The following MYO15A variants were observed in gnomAD, a reference collection of about 807,000 sequenced individuals.
MYO15A encodes the protein myosin XVA, also known as unconventional myosin-XV.
Under a neutral mutation model 394.6 loss-of-function variants are expected in MYO15A, and 308 were observed. That is an observed-to-expected ratio of 0.78 (90% CI 0.71 to 0.86). MYO15A has a LOEUF of 0.86. Ranked by LOEUF, MYO15A falls within the 40% of genes least tolerant of loss-of-function variation. The pLI is 0.00. For synonymous variants in MYO15A, 1,957 were observed against 2,003.8 expected, an observed-to-expected ratio of 0.98 and a Z score of 0.62; for missense variants, 4,606 against 4,799.1, an observed-to-expected ratio of 0.96 and a Z score of 1.19.
intron 62 of MYO15A, among the ~76,000 whole-genome samples, chr17:18,168,102 T>G (rs571864717): frequency 3.9e-5 from 6 of 152,370 alleles, no homozygotes; most frequent in Non-Finnish European, 5.9e-5. Context: ...GTAACCTCAA[T>G]ATCCAGCAAC....
At chr17:18,168,228 G>T (rs147448171) in intron 62 of MYO15A, among the ~76,000 whole-genome samples, 136 of 152,186 alleles carry the variant, frequency 8.9e-4, no homozygotes, top group African/African-American at 3.1e-3. Context: ...TAGAGACGGG[G>T]TCTTGCTATG....
intron 65 of MYO15A, among the ~76,000 whole-genome samples, chr17:18,174,571 A>G (rs1232003962): frequency 2.6e-5 from 4 of 152,158 alleles, no homozygotes; most frequent in African/African-American, 9.7e-5. Context: ...GATGGTGCCA[A>G]TGCACTCCAG....
chr17:18,163,370 A>C, intron 59 of MYO15A, 49 bp downstream of exon 59: 1 of 1,581,470 alleles, frequency 6.3e-7, no homozygotes, highest in Non-Finnish European at 8.7e-7. Flanking sequence ...GGGCAGGGAC[A>C]AGGACAGCCC....
In MYO15A at chr17:18,150,912, A is replaced by G. The variant is rs775431462; in HGVS notation, c.7472A>G (p.Glu2491Gly). Residue 2491 changes from glutamate (E) to glycine (G), a missense_variant and splice_region_variant, in exon 38 of 66, where the codon GAG (glutamate) becomes GGG (glycine). Glu to Gly is a moderately conservative substitution (Grantham distance 98). Coordinates refer to ENST00000647165, the MANE Select transcript of MYO15A (RefSeq NM_016239.4). This position sits in a 1 kb window ranked among gnomAD's most constrained non-coding sequence, Gnocchi z 4.4. ...GCTGCCCTGAGATCCTTGCCCGCAGAGGTGAGCCTGGCCTGCCCAGGGTGC... is the reference window on the plus strand; with the variant it reads ...GCTGCCCTGAGATCCTTGCCCGCAGGGGTGAGCCTGGCCTGCCCAGGGTGC... ...LSAALRSLPA[E>G]KPPAPEAQPT... 1.4e-5 allele frequency: 23 copies of G among 1,603,248 alleles called. No individual in the cohort carries two copies. The African/African-American group carries it at 2.9e-4, about 21-fold the overall frequency.
At chr17:18,158,670 T>C (rs1235030172) in intron 52 of MYO15A, 32 bp downstream of exon 52, 1 of 1,604,050 alleles carries the variant, frequency 6.2e-7, no homozygotes, top group Non-Finnish European at 8.5e-7. Context: ...CTTCCCACAG[T>C]GGGAGGGTGC....
chr17:18,158,341 TA>T, intron 51 of MYO15A, 181 bp from the exon 52 acceptor site: 1 of 559,950 alleles, frequency 1.8e-6, no homozygotes, highest in Non-Finnish European at 3.0e-6. Context: ...GCACAGCAAG[TA>T]AAAGGCGTGG....
chr17:18,145,851 G>A (rs766951120), intron 29 of MYO15A, 21 bp from the exon 30 acceptor site: 24 of 1,611,486 alleles, frequency 1.5e-5, no homozygotes, highest in Non-Finnish European at 2.0e-5. Flanking sequence ...AGATGCCCAG[G>A]AGACTCTGTT....
intron 1 of MYO15A, among the ~76,000 whole-genome samples, chr17:18,111,446 C>T (rs1056301964): frequency 6.6e-6 from 1 of 151,936 alleles, no homozygotes; most frequent in African/African-American, 2.4e-5. Context: ...CTGCGAACCC[C>T]AAGTGCCCTG....
Position 18,166,502 on chromosome 17 carries a change from T to A in MYO15A, c.9929T>A (p.Val3310Glu). 6.2e-7 allele frequency: 1 copy of A among 1,613,682 alleles called. No individual in the cohort carries two copies. Among genetic ancestry groups the A allele is most frequent in the East Asian group, 2.2e-5 (1 of 44,886 alleles). The change falls in exon 61 of 66, where the codon GTG becomes GAG. Residue 3310 changes from valine (V) to glutamate (E), a missense_variant. Coordinates refer to ENST00000647165, the MANE Select transcript of MYO15A (RefSeq NM_016239.4). ...QPLKFENELY[V>E]TMHYNQVLPD... ...CTCAAGTTCGAGAATGAGCTATATG[T>A]GACCATGCACTACAACCAGGTCAGC...
At chr17:18,146,436 C>T (rs1023885341) in intron 30 of MYO15A, among the ~76,000 whole-genome samples, 12 of 152,138 alleles carry the variant, frequency 7.9e-5, no homozygotes, top group Admixed American at 3.3e-4. Context: ...AGCATGGATA[C>T]GGGACTCAGA....
chr17:18,133,501 G>A (rs1387596283), intron 12 of MYO15A, 115 bp downstream of exon 12: 4 of 1,372,676 alleles, frequency 2.9e-6, no homozygotes, highest in Non-Finnish European at 3.9e-6. Flanking sequence ...ACTTGTTCCT[G>A]TTTTTTTCTT....
In MYO15A at chr17:18,131,705, G is replaced by A. The variant is rs854787; in HGVS notation, c.4206+174G>A. 0.47 allele frequency among the ~76,000 whole-genome samples: 71,326 copies of A among 151,708 alleles called. 17,980 individuals carry two copies. The highest frequency in any genetic ancestry group is 0.57 in the Non-Finnish European group (38,975 of 67,908). ...CCCTCCCCGACCCTCCTCCAGCCAC[G>A]GTGGCTCCTCCCTGCCCCGCAGCAC... On this transcript the variant is annotated intron_variant, in intron 10 of 65. Transcript: ENST00000647165.
In MYO15A at chr17:18,119,633, A is replaced by T. The variant is rs1211282119; in HGVS notation, c.833A>T (p.Tyr278Phe). Residue 278 changes from tyrosine to phenylalanine, a missense_variant, in exon 2 of 66, where the codon TAC becomes TTC. Tyr to Phe is a conservative substitution (Grantham distance 22). Transcript: ENST00000647165. ...GCCTGGCCACCCTACGGCGACCACTACTACGGGTACCCGCCCGAGGATCCC... is the reference window on the plus strand; with the variant it reads ...GCCTGGCCACCCTACGGCGACCACTTCTACGGGTACCCGCCCGAGGATCCC... ...SPAWPPYGDH[Y>F]YGYPPEDPYD... 2 of 1,603,196 alleles carry T rather than the reference A, an allele frequency of 1.2e-6. No homozygotes were observed. The highest frequency in any genetic ancestry group is 1.7e-6 in the Non-Finnish European group (2 of 1,179,842).
Position 18,157,140 on chromosome 17 carries a change from C to A in MYO15A, c.8714-16C>A. ...GGGGCCTCCCTGGCAGATGCTGACCCGAGCCTGGCCCATAGGCTACAGTGC... is the reference window on the plus strand; with the variant it reads ...GGGGCCTCCCTGGCAGATGCTGACCAGAGCCTGGCCCATAGGCTACAGTGC... On this transcript the variant is annotated splice_polypyrimidine_tract_variant and intron_variant, in intron 49 of 65. Transcript: ENST00000647165. The A allele has an allele frequency of 6.2e-7, 1 of 1,610,500 alleles. No individual in the cohort carries two copies. The highest frequency in any genetic ancestry group is 8.5e-7 in the Non-Finnish European group (1 of 1,178,378).
chr17:18,150,321 C>T lies in MYO15A; in HGVS notation c.7213-108C>T, dbSNP rs1597802534. 1 of 984,488 alleles carries T rather than the reference C, an allele frequency of 1.0e-6. No homozygotes were observed. Among genetic ancestry groups the T allele is most frequent in the Non-Finnish European group, 1.6e-6 (1 of 622,468 alleles). The allele number at this position is 984,488 out of a possible 1,614,324, so 61.0% of individuals were successfully genotyped here. A position where few individuals can be genotyped will look rare whatever the true frequency, so the allele number is the denominator to read the frequency against. On this transcript the variant is annotated intron_variant, in intron 35 of 65. Transcript: ENST00000647165. The surrounding 1 kb of genome is among the most constrained non-coding windows in gnomAD (Gnocchi z 4.4). ...CAGACACTGAGCCAGTGGGAGGCTG[C>T]CCCCTCCCACGAGAGGGTGGGGAAG...
At chr17:18,128,720 G>T (rs1023909130) in intron 7 of MYO15A, among the ~76,000 whole-genome samples, 1 of 152,136 alleles carries the variant, frequency 6.6e-6, no homozygotes, top group African/African-American at 2.4e-5. Flanking sequence ...GGAGCTTTAC[G>T]GCAACCCTGG....
At chr17:18,164,970 T>C (rs1042401457) in intron 60 of MYO15A, 1 of 147,898 alleles carries the variant, frequency 6.8e-6, no homozygotes, top group Non-Finnish European at 1.5e-5. Flanking sequence ...AGAAACCACA[T>C]CTCCACTAAA....
In MYO15A at chr17:18,161,453, A is replaced by C. The variant is rs202107751; in HGVS notation, c.9517+6A>C. 1.2e-6 allele frequency: 2 copies of C among 1,613,376 alleles called. No homozygotes were observed. The highest frequency in any genetic ancestry group is 1.7e-6 in the Non-Finnish European group (2 of 1,180,012). Reference sequence around the variant, plus strand: ...CCCAGGCCTGCCCTTTCAGGGTGAGAGGTCAATGAGTGGGAACCCAGGGCT... The same window carrying C: ...CCCAGGCCTGCCCTTTCAGGGTGAGCGGTCAATGAGTGGGAACCCAGGGCT... On this transcript the variant is annotated splice_donor_region_variant and intron_variant, in intron 57 of 65. Transcript: ENST00000647165.
At position 18,119,424 on chromosome 17, in the gene MYO15A, C is replaced by T; in HGVS notation, c.624C>T (p.Phe208=). 5.0e-6 allele frequency: 8 copies of T among 1,612,274 alleles called. No individual in the cohort carries two copies. The highest frequency in any genetic ancestry group is 6.8e-6 in the Non-Finnish European group (8 of 1,179,964). ...GCGAGCCCCTGGGCTTCCTGCCCTTCGAGGACGAGGCCCCATTCCATCACT... is the reference window on the plus strand; with the variant it reads ...GCGAGCCCCTGGGCTTCCTGCCCTTTGAGGACGAGGCCCCATTCCATCACT... The part of the protein sequence containing the change: ...ASGEPLGFLP[F]EDEAPFHHSG... The change falls in exon 2 of 66, where the codon TTC becomes TTT. Residue 208 remains phenylalanine, a synonymous_variant. Coordinates refer to ENST00000647165, the MANE Select transcript of MYO15A (RefSeq NM_016239.4).
Sources: gnomAD v4.1 joint callset for allele counts (sites outside exome capture counted in the v4.1 genomes callset) on GRCh38, gnomAD v4.1.1 for gene constraint, Gnocchi (gnomAD v3.1) non-coding constraint, MANE v1.5 for transcripts, NCBI Gene and HGNC (gene_info 2026-07-23, HGNC 2026-07-21) for gene names.